The following TRABD2B variants were observed in gnomAD, a reference collection of about 807,000 sequenced individuals.
The protein encoded by TRABD2B is metalloprotease TIKI2.
TRABD2B carries 14 observed loss-of-function variants against 40.1 expected under a neutral mutation model. That is an observed-to-expected ratio of 0.35 (90% confidence interval 0.23 to 0.55). The LOEUF is 0.55. TRABD2B is among the 20% of genes least tolerant of loss of function. The pLI, the probability that TRABD2B is intolerant of heterozygous loss-of-function variation, is 0.90. For missense variants in TRABD2B, 541 were observed against 648.6 expected (o/e 0.83, Z 1.80); for synonymous variants, 263 against 277.0 (o/e 0.95, Z 0.50).
rs150788719 is a variant in TRABD2B, at chr1:47,790,858, A to G, written c.988+3728T>C. On this transcript the variant is annotated intron_variant, in intron 4 of 6. Transcript: ENST00000606738. Reference sequence around the variant, plus strand: ...CCCTTCCACCATGGAAGAGCATTTTAATACTGTGTTCTCAAATGAGTGTAT... The same window carrying G: ...CCCTTCCACCATGGAAGAGCATTTTGATACTGTGTTCTCAAATGAGTGTAT... 3.6e-3 allele frequency among the ~76,000 whole-genome samples: 551 copies of G among 152,348 alleles called. 4 individuals are homozygous for G. The highest frequency in any genetic ancestry group is 0.013 in the African/African-American group (529 of 41,580).
At chr1:47,876,325 G>A (rs910845330) in intron 2 of TRABD2B, among the ~76,000 whole-genome samples, 19 of 152,168 alleles carry the variant, frequency 1.2e-4, no homozygotes, top group African/African-American at 4.6e-4. Flanking sequence ...TGTCGTCATT[G>A]CCCTGACTTG....
intron 2 of TRABD2B, among the ~76,000 whole-genome samples, chr1:47,823,069 G>A (rs1243030485): frequency 6.6e-6 from 1 of 152,282 alleles, no homozygotes; most frequent in Non-Finnish European, 1.5e-5. Context: ...GGGCACTGAA[G>A]TGAGAGATGG....
At chr1:47,843,634 G>C (rs1311507543) in intron 2 of TRABD2B, among the ~76,000 whole-genome samples, 1 of 152,192 alleles carries the variant, frequency 6.6e-6, no homozygotes, top group African/African-American at 2.4e-5. Flanking sequence ...TTTATGGGTA[G>C]AGACCTTAAT....
intron 2 of TRABD2B, among the ~76,000 whole-genome samples, chr1:47,807,188 C>G (rs1219092726): frequency 6.6e-6 from 1 of 152,188 alleles, no homozygotes; most frequent in Non-Finnish European, 1.5e-5. Flanking sequence ...GCCACCCAGC[C>G]ACATGGATTC....
In TRABD2B at chr1:47,761,483, G is replaced by A. The variant is rs1644243423; in HGVS notation, c.*4419C>T. The A allele has an allele frequency of 6.6e-6, 1 of 152,264 alleles. No individual in the cohort carries two copies. The highest frequency in any genetic ancestry group is 2.4e-5 in the African/African-American group (1 of 41,438). 9.4% of individuals were successfully genotyped at this position (152,264 alleles called of 1,614,324 possible). ...GGGTCATTGAAGGGGGCGCTGTGAG[G>A]GGTGGTGGTGGTTGTGGGTGGAGTG... On this transcript the variant is annotated 3_prime_UTR_variant, in exon 7 of 7. Transcript: ENST00000606738.
chr1:47,822,169 A>AC (rs1645120211), intron 2 of TRABD2B, among the ~76,000 whole-genome samples: 1 of 98,324 alleles, frequency 1.0e-5, no homozygotes, highest in South Asian at 3.7e-4. Flanking sequence ...CACACACACA[A>AC]ACACACATAC....
intron 2 of TRABD2B, among the ~76,000 whole-genome samples, chr1:47,963,340 A>G (rs886567574): frequency 2.0e-5 from 3 of 152,202 alleles, no homozygotes; most frequent in Non-Finnish European, 4.4e-5. Context: ...CCCAGGTTAC[A>G]GGTGGTGAAC....
At chr1:47,808,962 A>C (rs1644927379) in intron 2 of TRABD2B, among the ~76,000 whole-genome samples, 1 of 152,098 alleles carries the variant, frequency 6.6e-6, no homozygotes, top group Non-Finnish European at 1.5e-5. Flanking sequence ...GAGAATAAGA[A>C]AGAGGTCACC....
intron 2 of TRABD2B, among the ~76,000 whole-genome samples, chr1:47,846,078 A>G (rs144889430): frequency 6.6e-6 from 1 of 152,326 alleles, no homozygotes; most frequent in Non-Finnish European, 1.5e-5. Context: ...ACCTGGCTTT[A>G]TGGCAATACT....
At chr1:47,862,801 T>C (rs1643993119) in intron 2 of TRABD2B, among the ~76,000 whole-genome samples, 1 of 144,452 alleles carries the variant, frequency 6.9e-6, no homozygotes, top group Non-Finnish European at 1.5e-5. Flanking sequence ...AAGAACAAAG[T>C]TAAAGGAATG....
chr1:47,890,369 T>TACAGTAAC (rs1266278552), intron 2 of TRABD2B, among the ~76,000 whole-genome samples: 1 of 152,122 alleles, frequency 6.6e-6, no homozygotes, highest in African/African-American at 2.4e-5. Context: ...AGGTGGCAGG[T>TACAGTAAC]ACAGTAACAG....
intron 2 of TRABD2B, among the ~76,000 whole-genome samples, chr1:47,912,495 C>T (rs972614696): frequency 1.3e-5 from 2 of 152,182 alleles, no homozygotes; most frequent in Admixed American, 1.3e-4. Context: ...GGACCTTGGC[C>T]TTTCTGGAGG....
At chr1:47,788,468 C>T (rs1644626587) in intron 4 of TRABD2B, among the ~76,000 whole-genome samples, 1 of 152,176 alleles carries the variant, frequency 6.6e-6, no homozygotes. Flanking sequence ...GCCTCTCTGT[C>T]TCTGGTGCTC....
intron 2 of TRABD2B, among the ~76,000 whole-genome samples, chr1:47,916,255 C>A (rs1415136528): frequency 6.6e-6 from 1 of 152,188 alleles, no homozygotes; most frequent in Non-Finnish European, 1.5e-5. Context: ...CACCACCTCC[C>A]CTTGCAGCTG....
chr1:47,977,845 G>C (rs1371449214), intron 2 of TRABD2B, among the ~76,000 whole-genome samples: 1 of 152,062 alleles, frequency 6.6e-6, no homozygotes, highest in East Asian at 1.9e-4. Context: ...AAGAGCTGGA[G>C]GGCTCTAAAG....
At chr1:47,940,416 G>A (rs1440734810) in intron 2 of TRABD2B, among the ~76,000 whole-genome samples, 1 of 152,136 alleles carries the variant, frequency 6.6e-6, no homozygotes, top group Non-Finnish European at 1.5e-5. Context: ...CTATGGACAG[G>A]GACTATTATT....
chr1:47,968,381 A>G (rs1645633714), intron 2 of TRABD2B, among the ~76,000 whole-genome samples: 1 of 152,180 alleles, frequency 6.6e-6, no homozygotes, highest in Admixed American at 6.5e-5. Context: ...CAAGTCCCCA[A>G]ACCAGCTGCC....
chr1:47,848,723 C>T (rs1645506107), intron 2 of TRABD2B, among the ~76,000 whole-genome samples: 1 of 152,198 alleles, frequency 6.6e-6, no homozygotes, highest in South Asian at 2.1e-4. Context: ...TCACCAGACC[C>T]CCAGCCGAAC....
rs56348753 is a variant in TRABD2B, at chr1:47,820,782, CCACACACA to C, written c.667-19171_667-19164del. On this transcript the variant is annotated intron_variant, in intron 2 of 6. Coordinates refer to ENST00000606738, the MANE Select transcript of TRABD2B (RefSeq NM_001194986.2). ...TTCAATACTGAGAAGTTCACACACA[CCACACACA>C]CACACACACACACACACACACACAC... is the stretch of plus-strand genomic sequence containing the variant. Among the ~76,000 whole-genome samples, 460 of 147,186 alleles carry C rather than the reference CCACACACA, an allele frequency of 3.1e-3. 1 individual carries two copies. Among genetic ancestry groups the C allele is most frequent in the African/African-American group, 4.4e-3 (174 of 39,730 alleles).
Sources: allele counts gnomAD v4.1 joint callset (sites outside exome capture counted in the v4.1 genomes callset), GRCh38; gene constraint gnomAD v4.1.1; transcripts MANE v1.5; gene names NCBI Gene and HGNC (gene_info 2026-07-23, HGNC 2026-07-21).